MCTP1: variants seen among roughly 807,000 people sequenced by gnomAD.
MCTP1 encodes multiple C2 and transmembrane domain-containing protein 1.
In MCTP1, 69 loss-of-function variants were observed where a neutral mutation model predicts 120.6. The ratio of observed to expected loss-of-function variants is 0.57; its 90% CI spans 0.47 to 0.70. The LOEUF is 0.70. MCTP1 is among the 30% of genes least tolerant of loss of function. MCTP1 has a pLI of 0.00. For missense variants in MCTP1, 1,203 were observed against 1,248.8 expected (o/e 0.96, Z 0.55); for synonymous variants, 529 against 493.1 (o/e 1.07, Z -0.96).
intron 17 of MCTP1, among the ~76,000 whole-genome samples, chr5:94,834,947 C>T (rs1379636192): frequency 1.3e-5 from 2 of 151,642 alleles, no homozygotes; most frequent in East Asian, 1.9e-4. Context: ...CTCAGCCTCC[C>T]GAGTAGCTAG....
rs114037542 is a variant in MCTP1 at position 95,076,628 on chromosome 5, C to T, written c.721-59144G>A. Among the ~76,000 whole-genome samples, 645 of 152,098 alleles carry T rather than the reference C, an allele frequency of 4.2e-3. 9 individuals are homozygous for T. Among genetic ancestry groups the T allele is most frequent in the African/African-American group, 0.015 (612 of 41,498 alleles). ...GTCCACTGATTGCTGACTTAGAACA[C>T]GCTATTTCTAAGCGAGGGAAATCAC... On this transcript the variant is annotated intron_variant, in intron 1 of 22. Transcript: ENST00000515393.
chr5:94,939,052 C>A (rs1334585327), intron 5 of MCTP1, among the ~76,000 whole-genome samples: 1 of 151,916 alleles, frequency 6.6e-6, no homozygotes, highest in Non-Finnish European at 1.5e-5. Flanking sequence ...ATACTTAACC[C>A]AATTTAGCAA....
chr5:95,147,926 T>C (rs774378955), intron 1 of MCTP1, among the ~76,000 whole-genome samples: 5 of 152,212 alleles, frequency 3.3e-5, no homozygotes, highest in Non-Finnish European at 7.3e-5. Context: ...TTTGCTTGTC[T>C]GAGAAGAATT....
chr5:95,211,563 G>C (rs530043626), intron 1 of MCTP1, among the ~76,000 whole-genome samples: 2 of 152,220 alleles, frequency 1.3e-5, no homozygotes, highest in East Asian at 3.9e-4. Context: ...GGTTATTCTA[G>C]TTATACATTC....
intron 1 of MCTP1, among the ~76,000 whole-genome samples, chr5:95,071,220 C>T (rs796828309): frequency 3.3e-5 from 5 of 152,312 alleles, no homozygotes; most frequent in African/African-American, 1.2e-4. Flanking sequence ...GACACCAGAT[C>T]CGGAGCCTGA....
Position 94,707,312 on chromosome 5 carries a change from A to G in MCTP1, c.*184T>C. 1.9e-6 allele frequency: 1 copy of G among 527,584 alleles called. No individual in the cohort carries two copies. The highest frequency in any genetic ancestry group is 2.6e-5 in the South Asian group (1 of 37,912). The allele number at this position is 527,584 out of a possible 1,614,324, so 32.7% of individuals were successfully genotyped here. A position where few individuals can be genotyped will look rare whatever the true frequency, so the allele number is the denominator to read the frequency against. ...CAGTAGCAAAACCTTTATCAAGTTG[A>G]GTCTGTACAATAGAAGTATATATTC... On this transcript the variant is annotated 3_prime_UTR_variant, in exon 23 of 23. Coordinates refer to ENST00000515393, the MANE Select transcript of MCTP1 (RefSeq NM_024717.7).
chr5:95,140,143 G>A lies in MCTP1; in HGVS notation c.721-122659C>T, dbSNP rs138442560. 2.2e-4 allele frequency among the ~76,000 whole-genome samples: 33 copies of A among 152,280 alleles called. 1 individual carries two copies. The highest frequency in any genetic ancestry group is 6.8e-3 in the Middle Eastern group (2 of 294). On this transcript the variant is annotated intron_variant, in intron 1 of 22. Transcript: ENST00000515393. ...AGGCATCTCATTTCTAGAGAGGATG[G>A]ATAGGCTTTTGCCTCCAGGAAAGTA...
intron 1 of MCTP1, among the ~76,000 whole-genome samples, chr5:95,257,796 T>C (rs11748141): frequency 4.2e-4 from 53 of 125,404 alleles, no homozygotes; most frequent in African/African-American, 5.7e-4. Context: ...CCAGAAAACA[T>C]ACACACACAC....
chr5:94,750,388 A>T (rs1369262900), intron 19 of MCTP1, among the ~76,000 whole-genome samples: 1 of 152,230 alleles, frequency 6.6e-6, no homozygotes, highest in Non-Finnish European at 1.5e-5. Context: ...ATTATTTTAG[A>T]ATCATAAACC....
At chr5:95,159,935 T>A (rs7713106) in intron 1 of MCTP1, among the ~76,000 whole-genome samples, 2,456 of 151,750 alleles carry the variant, frequency 0.016, 59 homozygotes, top group African/African-American at 0.056. Flanking sequence ...TGCAAAAGAG[T>A]CAACACACCT....
intron 19 of MCTP1, among the ~76,000 whole-genome samples, chr5:94,754,152 T>C (rs541898615): frequency 1.3e-5 from 2 of 152,306 alleles, no homozygotes; most frequent in South Asian, 2.1e-4. Context: ...TTCTAAAATA[T>C]GTATAATTTA....
At chr5:95,275,982 G>C (rs1312755637) in intron 1 of MCTP1, among the ~76,000 whole-genome samples, 2 of 152,148 alleles carry the variant, frequency 1.3e-5, no homozygotes, top group Non-Finnish European at 2.9e-5. Flanking sequence ...AGGACACAGA[G>C]ACAATGAACC....
chr5:95,210,735 T>C (rs1426864318), intron 1 of MCTP1, among the ~76,000 whole-genome samples: 1 of 152,110 alleles, frequency 6.6e-6, no homozygotes, highest in Non-Finnish European at 1.5e-5. Context: ...AGCTGGTTAT[T>C]TTGCTCGTTA....
intron 17 of MCTP1, among the ~76,000 whole-genome samples, chr5:94,830,896 C>T (rs980888454): frequency 6.6e-6 from 1 of 152,150 alleles, no homozygotes; most frequent in African/African-American, 2.4e-5. Flanking sequence ...AATTCTACCA[C>T]CCAGTAATTG....
chr5:94,894,757 G>T lies in MCTP1; in HGVS notation c.1731C>A (p.His577Gln). The change falls in exon 11 of 23, where the codon CAC becomes CAA. Residue 577 changes from histidine (H) to glutamine (Q), a missense_variant. His to Gln is a conservative substitution (Grantham distance 24). Transcript: ENST00000515393. ...CTGTCAGAGTGACCAGCAGCACCAG[G>T]TGTCCCTCACCCTCTTCCAGCTGCA... is the stretch of plus-strand genomic sequence containing the variant. ...LELQLEEGEGHLVLLVTLTAS... is the reference protein window; with the variant it reads ...LELQLEEGEGQLVLLVTLTAS... 2.5e-6 allele frequency: 4 copies of T among 1,613,638 alleles called. No individual in the cohort carries two copies. Among genetic ancestry groups the T allele is most frequent in the Non-Finnish European group, 3.4e-6 (4 of 1,179,712 alleles).
chr5:95,147,365 C>T (rs558210246), intron 1 of MCTP1, among the ~76,000 whole-genome samples: 3 of 152,316 alleles, frequency 2.0e-5, no homozygotes, highest in East Asian at 1.9e-4. Context: ...GGATTACAGG[C>T]GTGAGCCACC....
intron 1 of MCTP1, among the ~76,000 whole-genome samples, chr5:95,069,365 A>T (rs1751511095): frequency 6.6e-6 from 1 of 152,230 alleles, no homozygotes; most frequent in South Asian, 2.1e-4. Flanking sequence ...TGTATCAAAC[A>T]TAATAAAGTA....
intron 10 of MCTP1, among the ~76,000 whole-genome samples, chr5:94,897,906 C>T (rs1024298193): frequency 1.3e-5 from 2 of 152,198 alleles, no homozygotes; most frequent in African/African-American, 4.8e-5. Flanking sequence ...AAAGAATTAT[C>T]TCAGTTTCCA....
chr5:95,044,976 A>G lies in MCTP1; in HGVS notation c.721-27492T>C, dbSNP rs575822830. 5.3e-5 allele frequency among the ~76,000 whole-genome samples: 8 copies of G among 152,264 alleles called. No homozygotes were observed. In the East Asian group the frequency reaches 1.5e-3, roughly 29 times the overall value. ...AAATGACTACGTCAATCTCCTGCCT[A>G]AAACTTTTTAGTGAACTTCCATACA... On this transcript the variant is annotated intron_variant, in intron 1 of 22. Transcript: ENST00000515393.
Sources: gnomAD v4.1 joint callset for allele counts (sites outside exome capture counted in the v4.1 genomes callset) on GRCh38, gnomAD v4.1.1 for gene constraint, MANE v1.5 for transcripts, NCBI Gene and HGNC (gene_info 2026-07-23, HGNC 2026-07-21) for gene names.